RMP24: variants seen among roughly 807,000 people sequenced by gnomAD.
RMP24 encodes the protein ribonuclease MRP subunit p24, also known as ribonuclease MRP protein subunit p24.
chr18:35,977,054 C>T, the RMP24 span, among the ~76,000 whole-genome samples: 3 of 151,988 alleles, frequency 2.0e-5, no homozygotes, highest in African/African-American at 7.2e-5. Flanking sequence ...ATGGCGAAAC[C>T]CTGCCTACTA....
the RMP24 span, chr18:35,978,900 A>C: frequency 2.5e-6 from 4 of 1,613,288 alleles, no homozygotes; most frequent in Non-Finnish European, 3.4e-6. Context: ...ACAAAGAAAC[A>C]CTTCTCTCAA....
the RMP24 span, among the ~76,000 whole-genome samples, chr18:35,977,035 C>T: frequency 1.3e-5 from 2 of 152,116 alleles, no homozygotes; most frequent in African/African-American, 2.4e-5. Context: ...CAAGACCAGG[C>T]TGGCCAACAT....
chr18:35,976,553 G>C, the RMP24 span, among the ~76,000 whole-genome samples: 1 of 152,284 alleles, frequency 6.6e-6, no homozygotes, highest in Admixed American at 6.5e-5. Context: ...AATGAATCTT[G>C]AAAAGAAAGA....
chr18:35,973,085 C>T, the RMP24 span: 1 of 790,248 alleles, frequency 1.3e-6, no homozygotes, highest in South Asian at 1.6e-5. Context: ...CCTTGTCTTG[C>T]TTTGTTAGCG....
chr18:35,976,643 T>TA, the RMP24 span, among the ~76,000 whole-genome samples: 2 of 152,302 alleles, frequency 1.3e-5, 1 homozygote, highest in African/African-American at 4.8e-5. Flanking sequence ...ACTTTAGACC[T>TA]ATGTTTACAA....
chr18:35,973,205 C>T, the RMP24 span: 28 of 537,928 alleles, frequency 5.2e-5, no homozygotes, highest in Non-Finnish European at 8.4e-5. Flanking sequence ...CTGGTTCCTC[C>T]TAATCTCCCC....
chr18:35,972,713 G>A, the RMP24 span: 1 of 1,600,762 alleles, frequency 6.2e-7, no homozygotes, highest in Non-Finnish European at 8.5e-7. Flanking sequence ...GCGAGCCAGC[G>A]GCAGCGGCGG....
At chr18:35,973,787 T>C in the RMP24 span, 1 of 152,052 alleles carries the variant, frequency 6.6e-6, no homozygotes, top group Non-Finnish European at 1.5e-5. Flanking sequence ...CCTGGCATGG[T>C]GGTGCACGCC....
chr18:35,974,772 T>C, the RMP24 span: 30 of 870,896 alleles, frequency 3.4e-5, 1 homozygote, highest in South Asian at 4.3e-4. Flanking sequence ...TTTTCATATT[T>C]TGAGTTTACT....
the RMP24 span, chr18:35,974,879 C>A: frequency 6.2e-7 from 1 of 1,600,084 alleles, no homozygotes; most frequent in Admixed American, 1.7e-5. Flanking sequence ...TTGTGAGTTT[C>A]ATTTGTATAA....
chr18:35,972,967 C>T, the RMP24 span: 1 of 1,603,180 alleles, frequency 6.2e-7, no homozygotes, highest in Non-Finnish European at 8.5e-7. Flanking sequence ...TCCTCTGTTC[C>T]GCACAACGCT....
chr18:35,979,209 G>A, the RMP24 span: 1 of 437,688 alleles, frequency 2.3e-6, no homozygotes, highest in South Asian at 3.8e-5. Flanking sequence ...AAAAATATAT[G>A]AAAGTTCCTT....
At chr18:35,979,107 T>C in the RMP24 span, 1 of 1,188,882 alleles carries the variant, frequency 8.4e-7, no homozygotes, top group Non-Finnish European at 1.2e-6. Flanking sequence ...AATGCAAACT[T>C]TTCTTGGCAT....
the RMP24 span, chr18:35,973,170 A>G: frequency 3.4e-6 from 2 of 581,066 alleles, no homozygotes; most frequent in Non-Finnish European, 6.1e-6. Context: ...TCACCTCTTC[A>G]TTTATTACTT....
the RMP24 span, chr18:35,974,952 G>T: frequency 6.8e-6 from 11 of 1,614,086 alleles, no homozygotes; most frequent in Non-Finnish European, 9.3e-6. Flanking sequence ...GTTGGTTCTG[G>T]ATAACTCTCG....
the RMP24 span, among the ~76,000 whole-genome samples, chr18:35,976,346 C>CA: frequency 6.6e-6 from 1 of 151,838 alleles, no homozygotes; most frequent in Admixed American, 6.6e-5. Flanking sequence ...AGCCTCCTTC[C>CA]AAAAAGTGTA....
chr18:35,972,844 G>C, the RMP24 span: 1 of 1,614,246 alleles, frequency 6.2e-7, no homozygotes, highest in Non-Finnish European at 8.5e-7. Flanking sequence ...CGAGCGGGTA[G>C]GTGTTCCTTT....
At chr18:35,974,373 T>C in the RMP24 span, among the ~76,000 whole-genome samples, 2 of 152,242 alleles carry the variant, frequency 1.3e-5, no homozygotes, top group Non-Finnish European at 2.9e-5. Context: ...TTCTTAATTG[T>C]CACTTAGTGA....
chr18:35,975,566 A>T, the RMP24 span, among the ~76,000 whole-genome samples: 1 of 152,226 alleles, frequency 6.6e-6, no homozygotes, highest in Non-Finnish European at 1.5e-5. Flanking sequence ...TGTTCTTTCA[A>T]CATTTTATTG....
Sources: gnomAD v4.1 joint callset for allele counts (sites outside exome capture counted in the v4.1 genomes callset) on GRCh38, gnomAD v4.1.1 for gene constraint, MANE v1.5 for transcripts, NCBI Gene and HGNC (gene_info 2026-07-23, HGNC 2026-07-21) for gene names.